Variants in UBE3C observed in about 807,000 individuals in gnomAD.
UBE3C encodes ubiquitin protein ligase E3C.
In UBE3C, 42 loss-of-function variants were observed where a neutral mutation model predicts 129.4. The ratio of observed to expected loss-of-function variants is 0.32; its 90% CI spans 0.25 to 0.42. The LOEUF is 0.42. Among genes scored for constraint, UBE3C ranks in the 10% least tolerant of loss-of-function variants. The pLI, the probability that UBE3C is intolerant of heterozygous loss-of-function variation, is 1.00. For missense variants in UBE3C, 1,049 were observed against 1,319.1 expected (o/e 0.80, Z 3.17); for synonymous variants, 510 against 492.4 (o/e 1.04, Z -0.47).
chr7:157,224,771 TGC>T (rs1795829409), intron 16 of UBE3C, among the ~76,000 whole-genome samples: 1 of 109,708 alleles, frequency 9.1e-6, no homozygotes, highest in Non-Finnish European at 1.9e-5. Context: ...TCCCTGCACG[TGC>T]GTACACACAC....
At chr7:157,173,266 C>T (rs1808428811) in intron 4 of UBE3C, among the ~76,000 whole-genome samples, 1 of 152,182 alleles carries the variant, frequency 6.6e-6, no homozygotes, top group Admixed American at 6.5e-5. Flanking sequence ...AGTCCAGCTA[C>T]TTAGGAGGCT....
chr7:157,252,480 A>C (rs1346972737), intron 19 of UBE3C, among the ~76,000 whole-genome samples: 1 of 152,246 alleles, frequency 6.6e-6, no homozygotes, highest in East Asian at 1.9e-4. Context: ...GAAGTGAATT[A>C]TTGAGAATAA....
intron 18 of UBE3C, among the ~76,000 whole-genome samples, chr7:157,235,162 CCTGG>C (rs1796122926): frequency 6.6e-6 from 1 of 152,060 alleles, no homozygotes; most frequent in African/African-American, 2.4e-5. Context: ...TGCACTCCAG[CCTGG>C]CAACAAGAGC....
At chr7:157,197,002 TGTTTAA>T (rs2116972535) in intron 10 of UBE3C, among the ~76,000 whole-genome samples, 1 of 152,326 alleles carries the variant, frequency 6.6e-6, no homozygotes, top group African/African-American at 2.4e-5. Context: ...TATGTGTTTC[TGTTTAA>T]GTTCACAGCA....
chr7:157,230,245 A>T (rs1795986326), intron 17 of UBE3C, among the ~76,000 whole-genome samples: 5 of 152,130 alleles, frequency 3.3e-5, no homozygotes, highest in Admixed American at 6.5e-5. Flanking sequence ...TATAACCAGT[A>T]ATTTTCCCCC....
chr7:157,221,347 G>C (rs1231215792), intron 15 of UBE3C: 1 of 152,702 alleles, frequency 6.5e-6, no homozygotes. Flanking sequence ...GCAGAACTGT[G>C]TTCCAGGGTG....
In UBE3C at chr7:157,225,422, A is replaced by G. The variant is rs1795849886; in HGVS notation, c.2116A>G (p.Ile706Val). 18 of 1,604,870 alleles carry G rather than the reference A, an allele frequency of 1.1e-5. No homozygotes were observed. The highest frequency in any genetic ancestry group is 1.4e-5 in the Non-Finnish European group (17 of 1,177,942). The change falls in exon 17 of 23, where the codon ATT becomes GTT. Residue 706 changes from isoleucine to valine, a missense_variant. Ile to Val is a conservative substitution (Grantham distance 29, BLOSUM62 3). Around this residue, in one of 4 missense-constraint regions of UBE3C, gnomAD observed 314 missense variants for 416.9 expected, o/e 0.75. Coordinates refer to ENST00000348165, the MANE Select transcript of UBE3C (RefSeq NM_014671.3). ...TGTTTGTTAGATCTTTCAGAGGTTG[A>G]TTTATGCAGATAAGCAAGAAGTTCA... ...EERVKIFQRL[I>V]YADKQEVQGD...
Position 157,257,034 on chromosome 7 carries a change from T to C in UBE3C, c.3071T>C (p.Leu1024Ser). The change falls in exon 22 of 23, where the codon TTG becomes TCG. Residue 1024 changes from leucine to serine, a missense_variant. Physicochemically the swap from Leu to Ser is moderately radical, Grantham distance 145. Around this residue, in one of 4 missense-constraint regions of UBE3C, gnomAD observed 243 missense variants for 368.7 expected, o/e 0.66. Coordinates refer to ENST00000348165, the MANE Select transcript of UBE3C (RefSeq NM_014671.3). ...FVTSCSRPPL[L>S]GFKELYPAFC... ...ACAAGCTGCTCTCGACCCCCTCTCT[T>C]GGGGTTTAAGGTACACAACTTTCAT... 6.2e-7 allele frequency: 1 copy of C among 1,614,198 alleles called. No homozygotes were observed. The highest frequency in any genetic ancestry group is 8.5e-7 in the Non-Finnish European group (1 of 1,180,026).
At chr7:157,182,982 C>T (rs1026605896) in intron 8 of UBE3C, among the ~76,000 whole-genome samples, 3 of 152,128 alleles carry the variant, frequency 2.0e-5, no homozygotes, top group African/African-American at 7.2e-5. Context: ...CTCTTGACCT[C>T]GTGATCCACC....
chr7:157,193,477 A>G (rs1809030796), intron 10 of UBE3C, among the ~76,000 whole-genome samples: 1 of 152,280 alleles, frequency 6.6e-6, no homozygotes, highest in African/African-American at 2.4e-5. Flanking sequence ...TCATAACTCA[A>G]GAGAGTCCCC....
chr7:157,147,073 A>C (rs1299327999), intron 1 of UBE3C, among the ~76,000 whole-genome samples: 1 of 152,146 alleles, frequency 6.6e-6, no homozygotes, highest in African/African-American at 2.4e-5. Context: ...CACAAAAAAA[A>C]CCTGTGGAAT....
chr7:157,140,061 T>C (rs1451175601), intron 1 of UBE3C: 3 of 984,406 alleles, frequency 3.0e-6, no homozygotes, highest in African/African-American at 1.7e-5. Context: ...GACGCCTCTG[T>C]TCTAGTCTAG....
intron 1 of UBE3C, among the ~76,000 whole-genome samples, chr7:157,163,103 T>G (rs1586654301): frequency 6.6e-6 from 1 of 151,724 alleles, no homozygotes; most frequent in Non-Finnish European, 1.5e-5. Context: ...TACCCAGAGA[T>G]GGCCGGGCGC....
intron 22 of UBE3C, among the ~76,000 whole-genome samples, chr7:157,259,336 C>G (rs1277968614): frequency 6.6e-6 from 1 of 152,204 alleles, no homozygotes; most frequent in East Asian, 1.9e-4. Flanking sequence ...TTCTTCTGTA[C>G]CCCCATTTTC....
rs542338423 is a variant in UBE3C at position 157,138,990 on chromosome 7, G to T, written c.-283G>T. 92 of 153,190 alleles carry T rather than the reference G, an allele frequency of 6.0e-4. No homozygotes were observed. The highest frequency in any genetic ancestry group is 8.9e-4 in the Non-Finnish European group (61 of 68,902). The allele number at this position is 153,190 out of a possible 1,614,324, so 9.5% of individuals were successfully genotyped here. ...CGGCAGTTCCAGGTGCAAGCGCCGG[G>T]TTTGCTGCCCGCTGGGCGCCCCTGC... On this transcript the variant is annotated 5_prime_UTR_variant, in exon 1 of 23. Coordinates refer to ENST00000348165, the MANE Select transcript of UBE3C (RefSeq NM_014671.3).
chr7:157,163,312 G>A (rs1388489263), intron 1 of UBE3C, among the ~76,000 whole-genome samples: 9 of 150,302 alleles, frequency 6.0e-5, no homozygotes, highest in Non-Finnish European at 1.3e-4. Flanking sequence ...GCGTGAACCC[G>A]GGAGGCGGAG....
intron 19 of UBE3C, among the ~76,000 whole-genome samples, chr7:157,250,586 G>A (rs1053635169): frequency 7.9e-5 from 12 of 152,120 alleles, no homozygotes; most frequent in African/African-American, 2.9e-4. Context: ...GCCTCCCAAA[G>A]TGCTGGGATT....
chr7:157,186,804 A>G, intron 9 of UBE3C, 30 bp from the exon 10 acceptor site: 1 of 1,611,140 alleles, frequency 6.2e-7, no homozygotes, highest in Non-Finnish European at 8.5e-7. Flanking sequence ...GAGCACATTT[A>G]TGGAGACTGG....
At chr7:157,217,516 C>T (rs968090231) in intron 14 of UBE3C, among the ~76,000 whole-genome samples, 11 of 152,042 alleles carry the variant, frequency 7.2e-5, no homozygotes, top group African/African-American at 1.2e-4. Flanking sequence ...ACATCTAAAG[C>T]AGATTCAGTA....
Sources: gnomAD v4.1 joint callset for allele counts (sites outside exome capture counted in the v4.1 genomes callset) on GRCh38, gnomAD v4.1.1 for gene constraint, gnomAD v4.1.1 regional missense constraint, MANE v1.5 for transcripts, NCBI Gene and HGNC (gene_info 2026-07-23, HGNC 2026-07-21) for gene names.